The following UBXN2B variants were observed in gnomAD, a reference collection of about 807,000 sequenced individuals.
UBXN2B encodes the protein UBX domain protein 2B.
In UBXN2B, 19 loss-of-function variants were observed where a neutral mutation model predicts 37.5. The ratio of observed to expected loss-of-function variants is 0.51; its 90% CI spans 0.35 to 0.74. The LOEUF (loss-of-function observed/expected upper bound fraction) is 0.74, where lower values mean the gene tolerates loss of function less well. Ranked by LOEUF, UBXN2B falls within the 30% of genes least tolerant of loss-of-function variation. The probability of loss-of-function intolerance (pLI) is 0.01; values close to 1 mark genes in which losing one functional copy is unlikely to be tolerated. For missense variants in UBXN2B, 370 were observed against 393.2 expected, an observed-to-expected ratio of 0.94 and a Z score of 0.50; for synonymous variants, 145 against 143.8, an observed-to-expected ratio of 1.01 and a Z score of -0.06.
At chr8:58,417,196 A>G (rs1048603948) in intron 2 of UBXN2B, among the ~76,000 whole-genome samples, 5 of 152,130 alleles carry the variant, frequency 3.3e-5, no homozygotes, top group African/African-American at 9.7e-5. Context: ...AAAATACCTA[A>G]TATTTTGGTA....
Position 58,439,627 on chromosome 8 carries a change from T to C in UBXN2B, c.534-6T>C, listed in dbSNP as rs763566582. The C allele has an allele frequency of 1.6e-5, 26 of 1,588,356 alleles. No individual in the cohort carries two copies. The South Asian group carries it at 2.9e-4, about 18-fold the overall frequency. ...AATGATAACTTTTTTCCCCCCTTTTTAAAAGAGAGATTCCCCTGGAGCTTC... is the reference window on the plus strand; with the variant it reads ...AATGATAACTTTTTTCCCCCCTTTTCAAAAGAGAGATTCCCCTGGAGCTTC... On this transcript the variant is annotated splice_region_variant and splice_polypyrimidine_tract_variant and intron_variant, in intron 5 of 7. Transcript: ENST00000399598.
chr8:58,417,505 G>T (rs1057335304), intron 2 of UBXN2B, among the ~76,000 whole-genome samples: 2 of 152,086 alleles, frequency 1.3e-5, no homozygotes, highest in Non-Finnish European at 2.9e-5. Context: ...AATAGTATTT[G>T]TTGTTATTAA....
intron 3 of UBXN2B, among the ~76,000 whole-genome samples, chr8:58,431,174 A>G (rs1361763949): frequency 6.6e-6 from 1 of 152,086 alleles, no homozygotes; most frequent in Non-Finnish European, 1.5e-5. Context: ...TCATCTCTAT[A>G]ATTTTATCAT....
intron 6 of UBXN2B, among the ~76,000 whole-genome samples, chr8:58,444,065 C>T (rs559743690): frequency 3.3e-5 from 5 of 152,176 alleles, no homozygotes; most frequent in Non-Finnish European, 7.3e-5. Flanking sequence ...TCTTACCTAG[C>T]TTCCCCATCC....
chr8:58,447,550 A>G lies in UBXN2B; in HGVS notation c.995A>G (p.Ter332=). The G allele has an allele frequency of 6.2e-7, 1 of 1,608,578 alleles. No individual in the cohort carries two copies. The highest frequency in any genetic ancestry group is 8.5e-7 in the Non-Finnish European group (1 of 1,176,744). Residue 332 remains the stop codon, a stop_retained_variant, in exon 8 of 8, where the codon TAA becomes TGA. Coordinates refer to ENST00000399598, the MANE Select transcript of UBXN2B (RefSeq NM_001077619.2). Reference sequence around the variant, plus strand: ...ACTGTGTTACTCCAGCAACTAAAATAATATTGTTCCTGTCCATGCAGTAGC... The same window carrying G: ...ACTGTGTTACTCCAGCAACTAAAATGATATTGTTCCTGTCCATGCAGTAGC... ...LNTVLLQQLK[*]
At chr8:58,421,077 T>C (rs928094638) in intron 2 of UBXN2B, among the ~76,000 whole-genome samples, 3 of 152,206 alleles carry the variant, frequency 2.0e-5, no homozygotes, top group Non-Finnish European at 4.4e-5. Flanking sequence ...TTGCAAACCT[T>C]TCCACATCCC....
chr8:58,423,976 G>A (rs1808005056), intron 2 of UBXN2B, among the ~76,000 whole-genome samples: 1 of 151,550 alleles, frequency 6.6e-6, no homozygotes, highest in African/African-American at 2.4e-5. Flanking sequence ...AAATATCCAT[G>A]ATTCCTTTTC....
intron 7 of UBXN2B, among the ~76,000 whole-genome samples, chr8:58,446,999 G>A (rs1183886806): frequency 4.0e-5 from 6 of 151,256 alleles, no homozygotes; most frequent in East Asian, 1.9e-4. Flanking sequence ...GGTTTTCACC[G>A]TGTTAGCCAG....
chr8:58,424,693 G>A (rs1245454996), intron 2 of UBXN2B: 2 of 1,331,000 alleles, frequency 1.5e-6, no homozygotes, highest in African/African-American at 1.4e-5. Flanking sequence ...AAGGCGGGGG[G>A]GGGGGCTCTG....
intron 2 of UBXN2B, chr8:58,424,600 C>G: frequency 8.9e-7 from 1 of 1,127,602 alleles, no homozygotes; most frequent in Non-Finnish European, 1.3e-6. Context: ...ATCTGAAACT[C>G]TTCTGCTGTT....
At chr8:58,432,375 C>CTTTTTTTTTTTTTTTTTTTTTT (rs34018318) in intron 3 of UBXN2B, among the ~76,000 whole-genome samples, 1 of 81,520 alleles carries the variant, frequency 1.2e-5, no homozygotes, top group African/African-American at 5.2e-5. Flanking sequence ...TTCTAAATTT[C>CTTTTTTTTTTTTTTTTTTTTTT]TTTTTTTTTT....
intron 5 of UBXN2B, among the ~76,000 whole-genome samples, chr8:58,437,076 AAATTTGGTACTTCTTAGAGACTTCTC>A: frequency 6.6e-6 from 1 of 152,296 alleles, no homozygotes; most frequent in South Asian, 2.1e-4. Flanking sequence ...AGACAAAGGA[AAATTTGGTACTTCTTAGAGACTTCTC>A]AAGTGGTTGT....
Position 58,444,702 on chromosome 8 carries a change from C to G in UBXN2B, c.672-1205C>G, listed in dbSNP as rs1219056065. ...GATTGGCAGTGCAATTACTTAGGCCCTCAATTCCAAATTAAAAAGAAATTC... is the reference window on the plus strand; with the variant it reads ...GATTGGCAGTGCAATTACTTAGGCCGTCAATTCCAAATTAAAAAGAAATTC... On this transcript the variant is annotated intron_variant, in intron 6 of 7. Transcript: ENST00000399598. Among the ~76,000 whole-genome samples the G allele has an allele frequency of 3.3e-5, 5 of 152,280 alleles. No homozygotes were observed. The South Asian group carries it at 1.0e-3, about 32-fold the overall frequency.
At chr8:58,437,061 T>C (rs1427518782) in intron 5 of UBXN2B, among the ~76,000 whole-genome samples, 1 of 152,130 alleles carries the variant, frequency 6.6e-6, no homozygotes, top group Non-Finnish European at 1.5e-5. Flanking sequence ...TTGAAGAAGA[T>C]AGGAAGACAA....
At chr8:58,436,452 A>G (rs748958715) in intron 5 of UBXN2B, among the ~76,000 whole-genome samples, 5 of 152,220 alleles carry the variant, frequency 3.3e-5, no homozygotes, top group Non-Finnish European at 7.3e-5. Context: ...ACGTAAGACA[A>G]ATCTCCTGTT....
intron 5 of UBXN2B, among the ~76,000 whole-genome samples, chr8:58,437,391 G>A (rs759084719): frequency 9.2e-5 from 13 of 140,546 alleles, no homozygotes; most frequent in Middle Eastern, 3.9e-3. Context: ...GCAGTGGCGC[G>A]ATCTAGGCTC....
intron 2 of UBXN2B, among the ~76,000 whole-genome samples, chr8:58,428,277 T>C (rs894859414): frequency 1.3e-5 from 2 of 152,258 alleles, no homozygotes; most frequent in African/African-American, 4.8e-5. Flanking sequence ...CGCTCAACTC[T>C]TCTGAAGTTG....
chr8:58,440,802 T>C (rs577873035), intron 6 of UBXN2B, among the ~76,000 whole-genome samples: 36 of 152,302 alleles, frequency 2.4e-4, no homozygotes, highest in African/African-American at 7.0e-4. Flanking sequence ...TGCTTCTTTA[T>C]GCTTTGCTAT....
intron 2 of UBXN2B, 126 bp from the exon 3 acceptor site, chr8:58,430,392 CT>C (rs1180409609): frequency 3.3e-6 from 2 of 599,214 alleles, no homozygotes; most frequent in African/African-American, 3.9e-5. Context: ...ATTAAATATT[CT>C]CATAGAAGTC....
Sources: allele counts gnomAD v4.1 joint callset (sites outside exome capture counted in the v4.1 genomes callset), GRCh38; gene constraint gnomAD v4.1.1; transcripts MANE v1.5; gene names NCBI Gene and HGNC (gene_info 2026-07-23, HGNC 2026-07-21).